Variants in SUSD6 observed in about 807,000 individuals in gnomAD.
The protein encoded by SUSD6 is sushi domain containing 6.
SUSD6 carries 16 observed loss-of-function variants against 28.4 expected under a neutral mutation model. The ratio of observed to expected loss-of-function variants is 0.56; its 90% CI spans 0.38 to 0.86. The LOEUF (loss-of-function observed/expected upper bound fraction) is 0.86. SUSD6 is among the 40% of genes least tolerant of loss of function. The pLI is 0.00. For synonymous variants in SUSD6, 147 were observed against 159.6 expected, an observed-to-expected ratio of 0.92 and a Z score of 0.59; for missense variants, 341 against 384.2, an observed-to-expected ratio of 0.89 and a Z score of 0.94.
Position 69,658,600 on chromosome 14 carries a change from A to G in SUSD6, c.8A>G (p.His3Arg), listed in dbSNP as rs1352154845. Residue 3 changes from histidine to arginine, a missense_variant, in exon 2 of 6, where the codon CAT becomes CGT. His to Arg is a conservative substitution (Grantham distance 29). Coordinates refer to ENST00000342745, the MANE Select transcript of SUSD6 (RefSeq NM_014734.4). ...AACTTGGACGGATAAAAGATGTGCC[A>G]TGGCAGGATAGCACCAAAGAGCACC... The part of the protein sequence containing the change: MC[H>R]GRIAPKSTSV... 2.0e-5 allele frequency: 32 copies of G among 1,614,016 alleles called. No homozygotes were observed. The highest frequency in any genetic ancestry group is 2.7e-5 in the Non-Finnish European group (32 of 1,180,008).
intron 2 of SUSD6, among the ~76,000 whole-genome samples, chr14:69,668,596 C>T (rs1477434240): frequency 2.0e-5 from 3 of 148,922 alleles, no homozygotes; most frequent in Admixed American, 6.8e-5. Context: ...GATTGCATCA[C>T]TGCACTCCAG....
chr14:69,664,315 C>G (rs1218160152), intron 2 of SUSD6, among the ~76,000 whole-genome samples: 2 of 152,024 alleles, frequency 1.3e-5, no homozygotes, highest in African/African-American at 2.4e-5. Context: ...TACAGTGGCT[C>G]TTGGTTGTTT....
intron 1 of SUSD6, among the ~76,000 whole-genome samples, chr14:69,642,943 C>G (rs1885374422): frequency 6.6e-6 from 1 of 152,130 alleles, no homozygotes; most frequent in South Asian, 2.1e-4. Context: ...TTAATTTGCC[C>G]TGCAAATTCT....
chr14:69,670,436 G>C, intron 2 of SUSD6: 3 of 456,726 alleles, frequency 6.6e-6, no homozygotes, highest in South Asian at 4.6e-5. Flanking sequence ...TCATTAGGGG[G>C]TCTCCTGACT....
chr14:69,625,558 G>T (rs557425887), intron 1 of SUSD6, among the ~76,000 whole-genome samples: 1 of 152,322 alleles, frequency 6.6e-6, no homozygotes, highest in East Asian at 1.9e-4. Flanking sequence ...CCAGGACTGC[G>T]GATGTGAAGC....
chr14:69,631,641 C>A lies in SUSD6; in HGVS notation c.-81+19813C>A, dbSNP rs1885196877. 2.0e-5 allele frequency among the ~76,000 whole-genome samples: 3 copies of A among 152,128 alleles called. 1 individual carries two copies. The South Asian group carries it at 6.2e-4, about 32-fold the overall frequency. On this transcript the variant is annotated intron_variant, in intron 1 of 5. Coordinates refer to ENST00000342745, the MANE Select transcript of SUSD6 (RefSeq NM_014734.4). Reference sequence around the variant, plus strand: ...CAAATGCCAGTTAATAATAATAATTCTGTGATTATCCTGAGGTTTCATGTT... The same window carrying A: ...CAAATGCCAGTTAATAATAATAATTATGTGATTATCCTGAGGTTTCATGTT...
intron 2 of SUSD6, among the ~76,000 whole-genome samples, chr14:69,682,735 T>G (rs1886015008): frequency 6.6e-6 from 1 of 152,180 alleles, no homozygotes; most frequent in South Asian, 2.1e-4. Flanking sequence ...GGAGTCCCAG[T>G]GGCACCTTGG....
At position 69,708,946 on chromosome 14, in the gene SUSD6, G is replaced by C; in HGVS notation, c.728G>C (p.Gly243Ala). The change falls in exon 5 of 6, where the codon GGC becomes GCC. Residue 243 changes from glycine to alanine, a missense_variant. Physicochemically the swap from Gly to Ala is moderately conservative, Grantham distance 60. Coordinates refer to ENST00000342745, the MANE Select transcript of SUSD6 (RefSeq NM_014734.4). The part of the protein sequence containing the change: ...PGQSGLCEAW[G>A]SRASETVMVH... ...CAGTCTGGACTATGTGAAGCCTGGG[G>C]CTCTCGGGCCTCAGAGACTGTGATG... 6.2e-7 allele frequency: 1 copy of C among 1,614,188 alleles called. No homozygotes were observed. The highest frequency in any genetic ancestry group is 8.5e-7 in the Non-Finnish European group (1 of 1,180,038).
At chr14:69,614,606 C>T (rs1884931900) in intron 1 of SUSD6, among the ~76,000 whole-genome samples, 1 of 152,200 alleles carries the variant, frequency 6.6e-6, no homozygotes, top group Non-Finnish European at 1.5e-5. Flanking sequence ...TTGGCTTTTG[C>T]TTCAAATATT....
chr14:69,629,350 A>G (rs1262241010), intron 1 of SUSD6, among the ~76,000 whole-genome samples: 3 of 152,132 alleles, frequency 2.0e-5, no homozygotes, highest in Non-Finnish European at 4.4e-5. Context: ...TTGGGCCCCC[A>G]CAGGAAGCCT....
At chr14:69,622,916 C>T (rs570451500) in intron 1 of SUSD6, among the ~76,000 whole-genome samples, 7 of 152,240 alleles carry the variant, frequency 4.6e-5, no homozygotes, top group Admixed American at 6.5e-5. Context: ...TGTAAGATAT[C>T]GCATACTGTC....
chr14:69,664,714 C>T (rs1835433757), intron 2 of SUSD6, among the ~76,000 whole-genome samples: 1 of 152,136 alleles, frequency 6.6e-6, no homozygotes, highest in African/African-American at 2.4e-5. Flanking sequence ...TAACTGGGTC[C>T]CTATTGGGTT....
rs768337891 is a variant in SUSD6 at position 69,709,094 on chromosome 14, G to A, written c.876G>A (p.Glu292=). The A allele has an allele frequency of 6.3e-7, 1 of 1,585,622 alleles. No individual in the cohort carries two copies. Among genetic ancestry groups the A allele is most frequent in the Non-Finnish European group, 8.6e-7 (1 of 1,165,020 alleles). The change falls in exon 5 of 6, where the codon GAG becomes GAA. Residue 292 remains glutamate (E), a synonymous_variant. Transcript: ENST00000342745. Reference sequence around the variant, plus strand: ...GCCTTTTATCCCTCACGTCAGAGGAGTACACAGATGGTGAGTGGTCCAAGC... The same window carrying A: ...GCCTTTTATCCCTCACGTCAGAGGAATACACAGATGGTGAGTGGTCCAAGC... ...IQSLLSLTSE[E]YTDDIPLLKE... is the part of the protein sequence containing the mutation.
intron 2 of SUSD6, among the ~76,000 whole-genome samples, chr14:69,676,176 T>C (rs1205535160): frequency 6.6e-6 from 1 of 152,038 alleles, no homozygotes; most frequent in Non-Finnish European, 1.5e-5. Flanking sequence ...TAGGGAGGCT[T>C]CCCCAGAAGA....
intron 1 of SUSD6, among the ~76,000 whole-genome samples, chr14:69,614,611 A>C (rs192467654): frequency 6.6e-6 from 1 of 152,190 alleles, no homozygotes; most frequent in Non-Finnish European, 1.5e-5. Context: ...TTTTGCTTCA[A>C]ATATTTTCTT....
At chr14:69,647,660 A>AG (rs1885447543) in intron 1 of SUSD6, among the ~76,000 whole-genome samples, 1 of 151,980 alleles carries the variant, frequency 6.6e-6, no homozygotes, top group Non-Finnish European at 1.5e-5. Context: ...TGGAAAAAAA[A>AG]AAAAGGAAAA....
In SUSD6 at chr14:69,704,761, C is replaced by A. The variant is rs1394004078; in HGVS notation, c.458+19C>A. On this transcript the variant is annotated intron_variant, in intron 4 of 5. Coordinates refer to ENST00000342745, the MANE Select transcript of SUSD6 (RefSeq NM_014734.4). Reference sequence around the variant, plus strand: ...ATAGCAGGTGAGTCCAGTGGCAGAGCTGACATGAGACAGGCAGGTGCAAGC... The same window carrying A: ...ATAGCAGGTGAGTCCAGTGGCAGAGATGACATGAGACAGGCAGGTGCAAGC... The A allele has an allele frequency of 6.2e-7, 1 of 1,611,102 alleles. No homozygotes were observed. Among genetic ancestry groups the A allele is most frequent in the African/African-American group, 1.3e-5 (1 of 74,740 alleles).
At chr14:69,684,193 C>G (rs945311) in intron 2 of SUSD6, among the ~76,000 whole-genome samples, 107,099 of 152,098 alleles carry the variant, frequency 0.7, 39,449 homozygotes, top group South Asian at 0.82. Flanking sequence ...GAGATACTGT[C>G]CAGGTCCAAG....
intron 2 of SUSD6, among the ~76,000 whole-genome samples, chr14:69,698,359 G>T (rs1886256968): frequency 6.6e-6 from 1 of 152,026 alleles, no homozygotes; most frequent in Admixed American, 6.6e-5. Flanking sequence ...ATGCACTATA[G>T]ATAATTTAAA....
Sources: allele counts gnomAD v4.1 joint callset (sites outside exome capture counted in the v4.1 genomes callset), GRCh38; gene constraint gnomAD v4.1.1; transcripts MANE v1.5; gene names NCBI Gene and HGNC (gene_info 2026-07-23, HGNC 2026-07-21).